The following TMEM51 variants were observed in gnomAD, a reference collection of about 807,000 sequenced individuals.
TMEM51 encodes the protein transmembrane protein 51, also known as chromosome 1 open reading frame 72.
TMEM51 carries 8 observed loss-of-function variants against 13.6 expected under a neutral mutation model. The ratio of observed to expected loss-of-function variants is 0.59; its 90% CI spans 0.35 to 1.07. The LOEUF (loss-of-function observed/expected upper bound fraction) is 1.07. Ranked by LOEUF, TMEM51 falls within the 50% of genes least tolerant of loss-of-function variation. TMEM51 has a pLI of 0.02. For missense variants in TMEM51, 279 were observed against 330.7 expected, an observed-to-expected ratio of 0.84 and a Z score of 1.21; for synonymous variants, 147 against 144.4, an observed-to-expected ratio of 1.02 and a Z score of -0.13.
At chr1:15,200,516 A>T (rs1457434351) in intron 1 of TMEM51, among the ~76,000 whole-genome samples, 1 of 151,674 alleles carries the variant, frequency 6.6e-6, no homozygotes, top group East Asian at 1.9e-4. Context: ...GGCCACAGAG[A>T]GAGGCCTCAG....
At chr1:15,174,041 C>T (rs1281395472) in intron 1 of TMEM51, among the ~76,000 whole-genome samples, 6 of 152,076 alleles carry the variant, frequency 3.9e-5, no homozygotes, top group East Asian at 1.9e-4. Flanking sequence ...CCACAGCAAG[C>T]GAAAGCAGCA....
chr1:15,168,694 C>T, intron 1 of TMEM51: 1 of 1,304,404 alleles, frequency 7.7e-7, no homozygotes, highest in Non-Finnish European at 1.0e-6. Context: ...AACACGCGTA[C>T]TGTCTCTCCC....
At chr1:15,191,236 G>A (rs1489279808) in intron 1 of TMEM51, among the ~76,000 whole-genome samples, 1 of 152,204 alleles carries the variant, frequency 6.6e-6, no homozygotes, top group Non-Finnish European at 1.5e-5. Context: ...AGCTGGAAGA[G>A]GCAAGGAAAT....
intron 1 of TMEM51, among the ~76,000 whole-genome samples, chr1:15,208,515 C>T (rs181446295): frequency 6.6e-6 from 1 of 152,088 alleles, no homozygotes; most frequent in East Asian, 1.9e-4. Context: ...CCTGTAATCC[C>T]AGGTACTTGG....
intron 1 of TMEM51, among the ~76,000 whole-genome samples, chr1:15,189,039 G>T (rs1643866414): frequency 6.6e-6 from 1 of 151,876 alleles, no homozygotes; most frequent in Non-Finnish European, 1.5e-5. Flanking sequence ...GCTGATATTT[G>T]GTCATTATAT....
intron 1 of TMEM51, among the ~76,000 whole-genome samples, chr1:15,199,664 G>A (rs1183272053): frequency 6.6e-6 from 1 of 152,130 alleles, no homozygotes; most frequent in Non-Finnish European, 1.5e-5. Flanking sequence ...CAGTCTCCAT[G>A]TTTCTCTGTC....
chr1:15,211,404 C>G (rs998243851), intron 2 of TMEM51, among the ~76,000 whole-genome samples: 21 of 152,080 alleles, frequency 1.4e-4, no homozygotes, highest in African/African-American at 4.6e-4. Context: ...GTGATCTTAC[C>G]CCATTGAGAA....
At chr1:15,200,910 T>A (rs1425810567) in intron 1 of TMEM51, among the ~76,000 whole-genome samples, 1 of 152,006 alleles carries the variant, frequency 6.6e-6, no homozygotes, top group Non-Finnish European at 1.5e-5. Flanking sequence ...GGAAAGTTTC[T>A]GTCAGCCGCA....
In TMEM51 at chr1:15,215,244, G is replaced by A. The variant is rs751379166; in HGVS notation, c.157G>A (p.Val53Met). 7.4e-6 allele frequency: 12 copies of A among 1,614,138 alleles called. No individual in the cohort carries two copies. Among genetic ancestry groups the A allele is most frequent in the African/African-American group, 5.3e-5 (4 of 74,946 alleles). Residue 53 changes from valine (V) to methionine (M), a missense_variant, in exon 3 of 4, where the codon GTG (valine) becomes ATG (methionine). Coordinates refer to ENST00000376008, the MANE Select transcript of TMEM51 (RefSeq NM_001136218.2). ...PTAQGSNKTE[V>M]GGGILKSKTF... is the part of the protein sequence containing the mutation. ...AGCTCAGGGCAGCAACAAGACCGAG[G>A]TGGGTGGCGGCATCCTCAAGAGCAA...
chr1:15,205,989 C>T (rs1267253349), intron 1 of TMEM51, among the ~76,000 whole-genome samples: 1 of 152,146 alleles, frequency 6.6e-6, no homozygotes, highest in Non-Finnish European at 1.5e-5. Flanking sequence ...GTAATCCCAG[C>T]ACTTTGGGAG....
At chr1:15,164,195 C>G (rs1266168069) in intron 1 of TMEM51, 1 of 379,708 alleles carries the variant, frequency 2.6e-6, no homozygotes, top group Non-Finnish European at 5.2e-6. Flanking sequence ...TCACAACTAA[C>G]TAAACTACAG....
At chr1:15,157,024 T>C (rs1642613286) in intron 1 of TMEM51, among the ~76,000 whole-genome samples, 1 of 152,180 alleles carries the variant, frequency 6.6e-6, no homozygotes, top group African/African-American at 2.4e-5. Context: ...CTCGCTGCCA[T>C]GGCCACCCCT....
intron 1 of TMEM51, among the ~76,000 whole-genome samples, chr1:15,190,997 C>G (rs1458810984): frequency 6.6e-6 from 1 of 152,170 alleles, no homozygotes; most frequent in Non-Finnish European, 1.5e-5. Flanking sequence ...CCGTGCTAGC[C>G]AGGATGGTCT....
chr1:15,205,485 G>C (rs2100327966), intron 1 of TMEM51, among the ~76,000 whole-genome samples: 1 of 152,314 alleles, frequency 6.6e-6, no homozygotes, highest in South Asian at 2.1e-4. Context: ...AGGCCCTGCA[G>C]AGCTGCATGC....
At chr1:15,212,748 T>A (rs1573449648) in intron 2 of TMEM51, among the ~76,000 whole-genome samples, 3 of 152,378 alleles carry the variant, frequency 2.0e-5, no homozygotes, top group Middle Eastern at 6.8e-3. Context: ...CTGTCTGCAG[T>A]GGGATCCCTG....
intron 1 of TMEM51, among the ~76,000 whole-genome samples, chr1:15,196,219 G>A (rs1332610846): frequency 9.2e-5 from 14 of 152,142 alleles, no homozygotes; most frequent in African/African-American, 2.4e-4. Context: ...GAGACCTGCC[G>A]TGCTGTGCCA....
In TMEM51 at chr1:15,215,357, G is replaced by A. The variant is rs1644413441; in HGVS notation, c.270G>A (p.Lys90=). The A allele has an allele frequency of 1.2e-6, 2 of 1,613,250 alleles. No homozygotes were observed. The highest frequency in any genetic ancestry group is 8.5e-7 in the Non-Finnish European group (1 of 1,180,040). Residue 90 remains lysine (K), a synonymous_variant, in exon 3 of 4, where the codon AAG becomes AAA. Coordinates refer to ENST00000376008, the MANE Select transcript of TMEM51 (RefSeq NM_001136218.2). Reference sequence around the variant, plus strand: ...GCCTGAGTATCAGGGATAAGAGGAAGCAGCGGCAGGGCGAGGACCTGGCCC... The same window carrying A: ...GCCTGAGTATCAGGGATAAGAGGAAACAGCGGCAGGGCGAGGACCTGGCCC... The part of the protein sequence containing the change: ...SICLSIRDKR[K]QRQGEDLAHV...
chr1:15,168,064 C>CAA (rs1337963972), intron 1 of TMEM51, among the ~76,000 whole-genome samples: 3 of 152,214 alleles, frequency 2.0e-5, no homozygotes, highest in Admixed American at 1.3e-4. Context: ...CTTGTATATA[C>CAA]TTCTAGAAAT....
At chr1:15,194,675 CTCCTATTCCATCCAGGGCACCCA>C (rs1485895367) in intron 1 of TMEM51, among the ~76,000 whole-genome samples, 2 of 152,320 alleles carry the variant, frequency 1.3e-5, no homozygotes, top group East Asian at 1.9e-4. Flanking sequence ...TTTCTCCCCT[CTCCTATTCCATCCAGGGCACCCA>C]TCCTAACATG....
Sources: allele counts gnomAD v4.1 joint callset (sites outside exome capture counted in the v4.1 genomes callset), GRCh38; gene constraint gnomAD v4.1.1; transcripts MANE v1.5; gene names NCBI Gene and HGNC (gene_info 2026-07-23, HGNC 2026-07-21).